DNAH3: variants seen among roughly 807,000 people sequenced by gnomAD.
DNAH3 encodes axonemal beta dynein heavy chain 3.
DNAH3 carries 332 observed loss-of-function variants against 432.5 expected under a neutral mutation model. That is an observed-to-expected ratio of 0.77 (90% CI 0.70 to 0.84). The LOEUF is 0.84. Among genes scored for constraint, DNAH3 ranks in the 40% least tolerant of loss-of-function variants. The pLI, the probability that DNAH3 is intolerant of heterozygous loss-of-function variation, is 0.00. For missense variants in DNAH3, 4,861 were observed against 5,114.0 expected, an observed-to-expected ratio of 0.95 and a Z score of 1.51; for synonymous variants, 1,956 against 1,900.2, an observed-to-expected ratio of 1.03 and a Z score of -0.76.
At chr16:21,120,861 CCATA>C (rs1167402268) in intron 10 of DNAH3, 1 of 1,598,432 alleles carries the variant, frequency 6.3e-7, no homozygotes, top group East Asian at 2.2e-5. Context: ...TCAGCTGTCC[CCATA>C]CATAGTCATC....
intron 8 of DNAH3, 58 bp from the exon 10 acceptor site, chr16:21,125,428 T>G: frequency 7.0e-7 from 1 of 1,438,138 alleles, no homozygotes; most frequent in East Asian, 2.4e-5. Context: ...AGGAACCCAC[T>G]TGCCGTGCCC....
In DNAH3 at chr16:21,106,485, C is replaced by T. The variant is rs2091949956; in HGVS notation, c.2284+5G>A. 6.3e-7 allele frequency: 1 copy of T among 1,583,958 alleles called. No homozygotes were observed. Among genetic ancestry groups the T allele is most frequent in the Non-Finnish European group, 8.6e-7 (1 of 1,159,418 alleles). ...TTCGATGGTCACACATGGCATTGGA[C>T]TTACACGGCAAGTCTGCATAGTCCA... On this transcript the variant is annotated splice_donor_5th_base_variant and intron_variant, in intron 15 of 61. Transcript: ENST00000261383.
chr16:21,131,854 CAAAAA>C (rs528482208), intron 7 of DNAH3, among the ~76,000 whole-genome samples: 7 of 67,648 alleles, frequency 1.0e-4, no homozygotes, highest in Non-Finnish European at 1.9e-4. Flanking sequence ...AACTCCATCT[CAAAAA>C]AAAAAAAAAA....
At chr16:21,133,633 G>C (rs543069392) in intron 7 of DNAH3, among the ~76,000 whole-genome samples, 1 of 151,848 alleles carries the variant, frequency 6.6e-6, no homozygotes, top group Non-Finnish European at 1.5e-5. Context: ...CCAGCTACTC[G>C]GGAGGTTGAG....
intron 59 of DNAH3, among the ~76,000 whole-genome samples, chr16:20,939,684 C>G (rs2083732291): frequency 6.6e-6 from 1 of 151,994 alleles, no homozygotes; most frequent in African/African-American, 2.4e-5. Context: ...TCCTCCAGTC[C>G]CCTGGTCCTC....
intron 42 of DNAH3, among the ~76,000 whole-genome samples, 170 bp from the exon 43 acceptor site, chr16:21,000,688 G>A (rs967589271): frequency 1.3e-5 from 2 of 152,128 alleles, no homozygotes; most frequent in Admixed American, 1.3e-4. Flanking sequence ...GTGAAAAGGG[G>A]ATAATAATGG....
chr16:20,944,886 G>A (rs976142401), intron 57 of DNAH3, among the ~76,000 whole-genome samples: 6 of 151,902 alleles, frequency 3.9e-5, no homozygotes, highest in Non-Finnish European at 4.4e-5. Flanking sequence ...ATTACCTCTC[G>A]CCCACCCTGG....
intron 57 of DNAH3, 113 bp from the exon 58 acceptor site, chr16:20,944,776 GACACAC>G (rs71377697): frequency 1.9e-4 from 131 of 701,246 alleles, no homozygotes; most frequent in Non-Finnish European, 2.2e-4. Flanking sequence ...AGTAGCACAG[GACACAC>G]ACACACACAC....
At chr16:21,148,212 A>G (rs2092809774) in intron 1 of DNAH3, among the ~76,000 whole-genome samples, 1 of 152,118 alleles carries the variant, frequency 6.6e-6, no homozygotes, top group Non-Finnish European at 1.5e-5. Context: ...TCTCTCCCGG[A>G]GCACCTACCT....
rs372639615 is a variant in DNAH3, at chr16:21,002,330, T to C, written c.6126+774A>G. Among the ~76,000 whole-genome samples the C allele has an allele frequency of 1.3e-3, 193 of 152,282 alleles. 7 individuals are homozygous for C. The South Asian group carries it at 0.039, about 31-fold the overall frequency. On this transcript the variant is annotated intron_variant, in intron 42 of 61. Transcript: ENST00000261383. ...TATCATTTTCTAATCAGAAAACTTATTAATCAAAACCTACTTTTCAGAGAA... is the reference window on the plus strand; with the variant it reads ...TATCATTTTCTAATCAGAAAACTTACTAATCAAAACCTACTTTTCAGAGAA...
At chr16:21,062,824 T>C (rs2049986200) in intron 24 of DNAH3, 141 bp from the exon 25 acceptor site, 1 of 650,228 alleles carries the variant, frequency 1.5e-6, no homozygotes, top group Non-Finnish European at 2.6e-6. Flanking sequence ...CACTCTCTTT[T>C]ATCACTTTTC....
At chr16:21,029,425 C>T (rs1248450544) in intron 37 of DNAH3, among the ~76,000 whole-genome samples, 2 of 152,220 alleles carry the variant, frequency 1.3e-5, no homozygotes, top group Non-Finnish European at 2.9e-5. Context: ...TTATATAGCA[C>T]TTGCTATATG....
chr16:21,006,679 A>ATT (rs527820972), intron 41 of DNAH3, among the ~76,000 whole-genome samples: 173 of 152,266 alleles, frequency 1.1e-3, no homozygotes, highest in African/African-American at 4.0e-3. Flanking sequence ...TTCACTTAAA[A>ATT]AAGTGTTTGT....
chr16:20,970,125 C>T, intron 51 of DNAH3, 135 bp from the exon 52 acceptor site: 1 of 807,582 alleles, frequency 1.2e-6, no homozygotes, highest in Non-Finnish European at 2.0e-6. Flanking sequence ...ATGGTGCCTG[C>T]CGCTGGAGCT....
At chr16:21,005,822 G>A (rs1308637710) in intron 41 of DNAH3, among the ~76,000 whole-genome samples, 1 of 150,876 alleles carries the variant, frequency 6.6e-6, no homozygotes, top group Non-Finnish European at 1.5e-5. Context: ...TCTAAGGTAT[G>A]CAGACATTGC....
chr16:21,051,610 G>T, intron 29 of DNAH3, 60 bp downstream of exon 29: 1 of 1,553,206 alleles, frequency 6.4e-7, no homozygotes, highest in Non-Finnish European at 8.9e-7. Context: ...TTCCTCCCCA[G>T]AGTCTTCTTC....
At chr16:20,970,642 A>G (rs1270307973) in intron 51 of DNAH3, among the ~76,000 whole-genome samples, 1 of 152,176 alleles carries the variant, frequency 6.6e-6, no homozygotes, top group Non-Finnish European at 1.5e-5. Context: ...GAGCAATCGG[A>G]TTGTTTGAGA....
At chr16:20,995,262 GAC>G (rs1477708322) in intron 44 of DNAH3, among the ~76,000 whole-genome samples, 4 of 151,862 alleles carry the variant, frequency 2.6e-5, no homozygotes, top group African/African-American at 7.3e-5. Context: ...CTTTTTTTGA[GAC>G]AGAGTCTCAC....
chr16:21,145,283 A>G (rs1282853609), exon 3 of DNAH3: 1 of 1,614,112 alleles, frequency 6.2e-7, no homozygotes, highest in Non-Finnish European at 8.5e-7. Flanking sequence ...TGGGCCATCA[A>G]GGAGTAGTTG....
Sources: gnomAD v4.1 joint callset for allele counts (sites outside exome capture counted in the v4.1 genomes callset) on GRCh38, gnomAD v4.1.1 for gene constraint, MANE v1.5 for transcripts, NCBI Gene and HGNC (gene_info 2026-07-23, HGNC 2026-07-21) for gene names.